VWA8: variants seen among roughly 807,000 people sequenced by gnomAD.
VWA8 encodes von Willebrand factor A domain-containing protein 8.
In VWA8, 221 loss-of-function variants were observed where a neutral mutation model predicts 241.5. The observed-to-expected ratio is 0.91, with a 90% CI of 0.82 to 1.02. VWA8 has a LOEUF of 1.02. Among genes scored for constraint, VWA8 ranks in the 50% least tolerant of loss-of-function variants. The probability of loss-of-function intolerance (pLI) is 0.00; values close to 1 mark genes in which losing one functional copy is unlikely to be tolerated. For missense variants in VWA8, 2,322 were observed against 2,328.7 expected (o/e 1.00, Z 0.06); for synonymous variants, 852 against 827.1 (o/e 1.03, Z -0.52).
chr13:41,614,482 T>G (rs114119961), intron 38 of VWA8, among the ~76,000 whole-genome samples: 1 of 152,198 alleles, frequency 6.6e-6, no homozygotes, highest in African/African-American at 2.4e-5. Flanking sequence ...CTCGAAATCT[T>G]GCATCCTCAA....
chr13:41,709,416 C>T (rs2045302673), intron 26 of VWA8, among the ~76,000 whole-genome samples: 1 of 152,184 alleles, frequency 6.6e-6, no homozygotes, highest in Non-Finnish European at 1.5e-5. Flanking sequence ...GGTTCACCGC[C>T]TTTCAGTTTA....
chr13:41,617,880 C>T (rs1398098290), intron 37 of VWA8, among the ~76,000 whole-genome samples: 4 of 144,384 alleles, frequency 2.8e-5, no homozygotes, highest in East Asian at 2.0e-4. Flanking sequence ...TTCTTTATCC[C>T]GTCTATTATG....
Position 41,611,659 on chromosome 13 carries a change from C to T in VWA8, c.4794G>A (p.Gln1598=). The change falls in exon 39 of 45, where the codon CAG becomes CAA. Residue 1598 remains glutamine (Q), a synonymous_variant. Coordinates refer to ENST00000379310, the MANE Select transcript of VWA8 (RefSeq NM_015058.2). ...YRLDAGHTVY[Q]VSQAEKDAVP... The stretch of plus-strand genomic sequence containing the variant: ...CTGCATCTTTCTCAGCCTGAGAGAC[C>T]TGGTACACCGTATGGCCTGCATCCA... 1 of 1,614,104 alleles carries T rather than the reference C, an allele frequency of 6.2e-7. No homozygotes were observed. Among genetic ancestry groups the T allele is most frequent in the Non-Finnish European group, 8.5e-7 (1 of 1,179,978 alleles).
At chr13:41,868,166 T>C (rs1873397148) in intron 10 of VWA8, among the ~76,000 whole-genome samples, 180 bp downstream of exon 10, 2 of 152,194 alleles carry the variant, frequency 1.3e-5, no homozygotes, top group Non-Finnish European at 2.9e-5. Context: ...TTCCCTATGT[T>C]TCTCCTGAAC....
intron 37 of VWA8, among the ~76,000 whole-genome samples, chr13:41,616,045 G>C (rs552672287): frequency 2.0e-5 from 3 of 152,300 alleles, no homozygotes; most frequent in East Asian, 3.9e-4. Context: ...TTGACGATTG[G>C]TTCCTGCCCT....
intron 37 of VWA8, among the ~76,000 whole-genome samples, chr13:41,632,808 C>G (rs1387158950): frequency 1.4e-4 from 21 of 152,206 alleles, no homozygotes; most frequent in Admixed American, 1.4e-3. Context: ...TAACAATCTT[C>G]CTTTGCTTCC....
At chr13:41,708,142 G>C (rs1304667887) in intron 26 of VWA8, among the ~76,000 whole-genome samples, 2 of 152,082 alleles carry the variant, frequency 1.3e-5, no homozygotes, top group Non-Finnish European at 2.9e-5. Flanking sequence ...CGGATCACCT[G>C]AGGTCGGGAG....
chr13:41,943,121 C>A (rs544524629), intron 2 of VWA8, among the ~76,000 whole-genome samples: 3 of 152,064 alleles, frequency 2.0e-5, no homozygotes, highest in Non-Finnish European at 4.4e-5. Context: ...GCTTGGAAAT[C>A]AATGAAATAA....
At chr13:41,907,274 C>A (rs1330306131) in intron 4 of VWA8, among the ~76,000 whole-genome samples, 3 of 152,110 alleles carry the variant, frequency 2.0e-5, no homozygotes, top group Non-Finnish European at 2.9e-5. Context: ...TATATCAAAT[C>A]TCCTTAATTC....
At chr13:41,660,927 A>G (rs12868212) in intron 37 of VWA8, among the ~76,000 whole-genome samples, 3,311 of 149,826 alleles carry the variant, frequency 0.022, 79 homozygotes, top group African/African-American at 0.062. Flanking sequence ...CCAGGTTGGC[A>G]CGATTTCGGC....
chr13:41,740,872 A>G (rs2045564606), intron 21 of VWA8, among the ~76,000 whole-genome samples: 1 of 152,196 alleles, frequency 6.6e-6, no homozygotes, highest in African/African-American at 2.4e-5. Context: ...CTTCAAAACT[A>G]CACCAAAACA....
intron 12 of VWA8, among the ~76,000 whole-genome samples, chr13:41,835,570 C>T (rs1871686070): frequency 6.6e-6 from 1 of 152,148 alleles, no homozygotes; most frequent in Middle Eastern, 3.4e-3. Flanking sequence ...TTTTCCTGGG[C>T]CCAAGCAAAA....
intron 37 of VWA8, among the ~76,000 whole-genome samples, chr13:41,640,863 G>C (rs193167069): frequency 6.6e-6 from 1 of 152,210 alleles, no homozygotes; most frequent in Admixed American, 6.5e-5. Flanking sequence ...TAAAATCTTA[G>C]AGGCTTTTTT....
intron 20 of VWA8, among the ~76,000 whole-genome samples, chr13:41,766,964 T>G (rs1217985939): frequency 6.6e-6 from 1 of 152,166 alleles, no homozygotes; most frequent in Non-Finnish European, 1.5e-5. Flanking sequence ...GGGAGAACAG[T>G]GAGGAAGCAA....
At chr13:41,637,194 A>G (rs1012310314) in intron 37 of VWA8, among the ~76,000 whole-genome samples, 13 of 151,680 alleles carry the variant, frequency 8.6e-5, no homozygotes, top group African/African-American at 3.2e-4. Context: ...CTGGATTAAG[A>G]AAATGTGGCA....
chr13:41,873,250 C>A (rs1334076841), intron 9 of VWA8, among the ~76,000 whole-genome samples: 1 of 151,914 alleles, frequency 6.6e-6, no homozygotes, highest in African/African-American at 2.4e-5. Flanking sequence ...AAAATTGACA[C>A]CCTAACATCA....
At position 41,885,938 on chromosome 13, in the gene VWA8, T is replaced by A. The variant is rs114741192; in HGVS notation, c.957A>T (p.Ala319=). ...GLPDFPLDSL[A]AAVQILDSFP... is the part of the protein sequence containing the mutation. ...TACTTACCAAGATTTGAACCGCAGC[T>A]GCTAAACTATCTAAAGGAAAGTCTG... Residue 319 remains alanine, a synonymous_variant, in exon 8 of 45, where the codon GCA becomes GCT. Coordinates refer to ENST00000379310, the MANE Select transcript of VWA8 (RefSeq NM_015058.2). The A allele has an allele frequency of 9.9e-4, 1,569 of 1,591,754 alleles. 16 individuals carry two copies. In the African/African-American group the frequency reaches 0.019, roughly 19 times the overall value.
chr13:41,856,610 C>T (rs1052717934), intron 12 of VWA8, among the ~76,000 whole-genome samples: 12 of 152,176 alleles, frequency 7.9e-5, no homozygotes, highest in Admixed American at 2.6e-4. Context: ...TGCTTGAGCC[C>T]AGGAGTTCGA....
intron 2 of VWA8, among the ~76,000 whole-genome samples, chr13:41,947,947 A>C (rs928311168): frequency 1.3e-5 from 2 of 148,956 alleles, no homozygotes; most frequent in Non-Finnish European, 3.0e-5. Flanking sequence ...AAAAAAAAAA[A>C]AAAAAACAAA....
Sources: gnomAD v4.1 joint callset for allele counts (sites outside exome capture counted in the v4.1 genomes callset) on GRCh38, gnomAD v4.1.1 for gene constraint, MANE v1.5 for transcripts, NCBI Gene and HGNC (gene_info 2026-07-23, HGNC 2026-07-21) for gene names.